TCF7L2: variants seen among roughly 807,000 people sequenced by gnomAD.
TCF7L2 encodes the protein transcription factor 7 like 2.
A neutral mutation model predicts 77.9 loss-of-function variants in TCF7L2; 23 were observed. The observed-to-expected ratio is 0.30, with a 90% CI of 0.21 to 0.42. The LOEUF (loss-of-function observed/expected upper bound fraction) is 0.42, where lower values mean the gene tolerates loss of function less well. Among genes scored for constraint, TCF7L2 ranks in the 10% least tolerant of loss-of-function variants. The probability of loss-of-function intolerance (pLI) is 1.00; values close to 1 mark genes in which losing one functional copy is unlikely to be tolerated. For missense variants in TCF7L2, 654 were observed against 793.1 expected (o/e 0.82, Z 2.11); for synonymous variants, 413 against 340.2 (o/e 1.21, Z -2.36).
At chr10:113,126,025 T>G (rs2065531259) in intron 5 of TCF7L2, 1 of 152,218 alleles carries the variant, frequency 6.6e-6, no homozygotes, top group Non-Finnish European at 1.5e-5. Flanking sequence ...TTTTTCCTAC[T>G]ATGCTTAGAA....
intron 5 of TCF7L2, among the ~76,000 whole-genome samples, chr10:113,084,413 G>C (rs956136910): frequency 5.9e-5 from 9 of 152,338 alleles, no homozygotes; most frequent in Non-Finnish European, 1.2e-4. Context: ...GAGGATGCCG[G>C]CTGGTTTGGA....
At chr10:113,117,428 TCTCTCCC>T (rs2063963836) in intron 5 of TCF7L2, among the ~76,000 whole-genome samples, 1 of 24,806 alleles carries the variant, frequency 4.0e-5, no homozygotes, top group African/African-American at 1.5e-4. Context: ...TCTCTCTCTC[TCTCTCCC>T]TCTCTCTCTC....
intron 5 of TCF7L2, 143 bp downstream of exon 5, chr10:113,040,269 T>A (rs2052206459): frequency 1.4e-6 from 1 of 722,710 alleles, no homozygotes; most frequent in East Asian, 2.8e-5. Flanking sequence ...GTATAGTTTA[T>A]ATCTATAAGG....
intron 5 of TCF7L2, among the ~76,000 whole-genome samples, chr10:113,114,303 T>C (rs1638395869): frequency 6.6e-6 from 1 of 152,246 alleles, no homozygotes; most frequent in African/African-American, 2.4e-5. Flanking sequence ...TAAGAACTTA[T>C]TAGCACTGAG....
intron 5 of TCF7L2, among the ~76,000 whole-genome samples, chr10:113,105,311 T>C (rs999167287): frequency 6.6e-5 from 10 of 152,146 alleles, no homozygotes; most frequent in African/African-American, 1.9e-4. Context: ...TCGGCTCCCA[T>C]TGGGCCTCTT....
chr10:112,965,606 A>G (rs183307097), intron 4 of TCF7L2, among the ~76,000 whole-genome samples: 1 of 150,778 alleles, frequency 6.6e-6, no homozygotes, highest in Admixed American at 6.7e-5. Context: ...GCCCTTGCAG[A>G]TAACTTGTCT....
At chr10:113,039,936 C>T in intron 4 of TCF7L2, 89 bp from the exon 5 acceptor site, 17 of 1,108,894 alleles carry the variant, frequency 1.5e-5, no homozygotes, top group South Asian at 4.5e-5. Context: ...AGTTTCTGAC[C>T]CATGTCACAG....
intron 5 of TCF7L2, among the ~76,000 whole-genome samples, chr10:113,094,663 G>A (rs954640361): frequency 2.0e-5 from 3 of 152,002 alleles, no homozygotes; most frequent in African/African-American, 7.3e-5. Flanking sequence ...ATCGTAGGTG[G>A]GATCATACTA....
chr10:112,983,105 G>A (rs910815416), intron 4 of TCF7L2, among the ~76,000 whole-genome samples: 4 of 151,924 alleles, frequency 2.6e-5, no homozygotes, highest in Non-Finnish European at 4.4e-5. Flanking sequence ...TGGTTGTAAC[G>A]TCTGCTCTGT....
At chr10:113,058,541 T>G (rs2055811997) in intron 5 of TCF7L2, among the ~76,000 whole-genome samples, 1 of 152,114 alleles carries the variant, frequency 6.6e-6, no homozygotes, top group Non-Finnish European at 1.5e-5. Flanking sequence ...GGGCAGCTCA[T>G]AGCCCCAGCC....
At chr10:113,109,349 T>G (rs569847819) in intron 5 of TCF7L2, among the ~76,000 whole-genome samples, 56 of 152,352 alleles carry the variant, frequency 3.7e-4, no homozygotes, top group Non-Finnish European at 2.8e-4. Context: ...GCTATCAATG[T>G]CCCAGTAAGG....
chr10:113,148,908 G>A (rs1364903420), intron 8 of TCF7L2, among the ~76,000 whole-genome samples: 1 of 152,152 alleles, frequency 6.6e-6, no homozygotes, highest in Non-Finnish European at 1.5e-5. Flanking sequence ...ACCCCAAAAT[G>A]TACTCAGATT....
intron 3 of TCF7L2, among the ~76,000 whole-genome samples, chr10:112,952,871 A>T (rs1224624701): frequency 1.6e-5 from 1 of 60,984 alleles, no homozygotes; most frequent in Non-Finnish European, 3.3e-5. Flanking sequence ...CCTCCTCCTC[A>T]TCCCTCCCTC....
At chr10:113,162,535 G>A (rs1592504298) in intron 13 of TCF7L2, among the ~76,000 whole-genome samples, 1 of 152,080 alleles carries the variant, frequency 6.6e-6, no homozygotes, top group South Asian at 2.1e-4. Context: ...GAAAACCTTT[G>A]TAGCTGCTTC....
At chr10:113,139,244 TTGTCCG>T (rs1439288640) in intron 5 of TCF7L2, among the ~76,000 whole-genome samples, 5 of 152,126 alleles carry the variant, frequency 3.3e-5, no homozygotes, top group Non-Finnish European at 2.9e-5. Context: ...AGTCTCCACT[TTGTCCG>T]TGTCTGTCTC....
intron 11 of TCF7L2, 103 bp from the exon 12 acceptor site, chr10:113,157,918 C>T (rs1039969802): frequency 5.8e-6 from 7 of 1,203,204 alleles, no homozygotes; most frequent in Non-Finnish European, 7.1e-6. Context: ...ATGGAGATGG[C>T]AGTATGGTCA....
chr10:113,163,477 A>C (rs1354545185), intron 13 of TCF7L2, among the ~76,000 whole-genome samples: 4 of 150,646 alleles, frequency 2.7e-5, no homozygotes, highest in Non-Finnish European at 5.9e-5. Context: ...TTGCTTTCTC[A>C]GTTTTGCTTA....
intron 4 of TCF7L2, among the ~76,000 whole-genome samples, chr10:113,034,420 T>C (rs532579074): frequency 1.3e-5 from 2 of 152,292 alleles, no homozygotes; most frequent in East Asian, 3.9e-4. Flanking sequence ...AGCAGCCACC[T>C]TGATGCGGAG....
chr10:113,133,294 G>A (rs1437375929), intron 5 of TCF7L2: 4 of 152,014 alleles, frequency 2.6e-5, no homozygotes, highest in African/African-American at 7.3e-5. Context: ...TTCCAGGTAC[G>A]AATGTTCCTC....
Sources: gnomAD v4.1 joint callset for allele counts (sites outside exome capture counted in the v4.1 genomes callset) on GRCh38, gnomAD v4.1.1 for gene constraint, MANE v1.5 for transcripts, NCBI Gene and HGNC (gene_info 2026-07-23, HGNC 2026-07-21) for gene names.